SHISA6: variants seen among roughly 807,000 people sequenced by gnomAD.
SHISA6 encodes the protein shisa family member 6.
In SHISA6, 22 loss-of-function variants were observed where a neutral mutation model predicts 47.9. That is an observed-to-expected ratio of 0.46 (90% CI 0.33 to 0.66). The LOEUF is 0.66. Ranked by LOEUF, SHISA6 falls within the 30% of genes least tolerant of loss-of-function variation. The pLI is 0.02. For synonymous variants in SHISA6, 388 were observed against 337.8 expected, an observed-to-expected ratio of 1.15 and a Z score of -1.63; for missense variants, 680 against 764.6, an observed-to-expected ratio of 0.89 and a Z score of 1.30.
At chr17:11,398,356 A>C (rs181141046) in intron 3 of SHISA6, among the ~76,000 whole-genome samples, 65 of 152,108 alleles carry the variant, frequency 4.3e-4, no homozygotes, top group Non-Finnish European at 7.9e-4. Context: ...GTGTCCTCTG[A>C]TTTTTTTGGT....
intron 2 of SHISA6, among the ~76,000 whole-genome samples, chr17:11,358,206 GCTCCTGGTAACCA>G (rs1176795850): frequency 5.3e-5 from 8 of 151,998 alleles, no homozygotes; most frequent in African/African-American, 1.9e-4. Context: ...TCTCCCCACA[GCTCCTGGTAACCA>G]CTCTTCTGCT....
At chr17:11,361,402 G>A (rs191712515) in intron 2 of SHISA6, among the ~76,000 whole-genome samples, 89 of 152,172 alleles carry the variant, frequency 5.8e-4, no homozygotes, top group Non-Finnish European at 1.1e-3. Flanking sequence ...TTAGGGCATC[G>A]TGGAACCTAG....
intron 2 of SHISA6, among the ~76,000 whole-genome samples, chr17:11,312,484 A>G (rs1910373264): frequency 6.6e-6 from 1 of 152,220 alleles, no homozygotes; most frequent in Admixed American, 6.5e-5. Flanking sequence ...TTGAAAACGC[A>G]CTTCATCTAT....
intron 4 of SHISA6, among the ~76,000 whole-genome samples, chr17:11,555,502 G>A (rs771398300): frequency 5.3e-5 from 8 of 151,800 alleles, no homozygotes. Flanking sequence ...CTCAAGAGTC[G>A]AGTCTCCCAT....
chr17:11,301,168 C>T (rs770465780), intron 2 of SHISA6, among the ~76,000 whole-genome samples: 49 of 152,020 alleles, frequency 3.2e-4, no homozygotes, highest in Non-Finnish European at 6.3e-4. Context: ...GCAGCTGGAA[C>T]CCTCACTAGT....
At chr17:11,454,014 G>T (rs1915468323) in intron 3 of SHISA6, among the ~76,000 whole-genome samples, 1 of 152,220 alleles carries the variant, frequency 6.6e-6, no homozygotes, top group African/African-American at 2.4e-5. Flanking sequence ...GAGAGGGATT[G>T]CTGGGTCCTA....
intron 3 of SHISA6, among the ~76,000 whole-genome samples, chr17:11,388,830 ATATATATAT>A (rs1178420402): frequency 5.1e-4 from 49 of 96,012 alleles, no homozygotes; most frequent in African/African-American, 1.9e-3. Flanking sequence ...ATATATATAT[ATATATATAT>A]ATTTTAAAAA....
chr17:11,452,234 TC>T (rs1323657474), intron 3 of SHISA6, among the ~76,000 whole-genome samples: 4 of 152,254 alleles, frequency 2.6e-5, no homozygotes, highest in African/African-American at 9.6e-5. Context: ...TTGCATGTCC[TC>T]TCAGTATTTC....
intron 3 of SHISA6, among the ~76,000 whole-genome samples, chr17:11,478,524 G>A (rs1326825545): frequency 4.5e-4 from 33 of 72,928 alleles, no homozygotes; most frequent in East Asian, 1.8e-3. Flanking sequence ...GTAATGCCTA[G>A]GTTTTCTTCT....
intron 3 of SHISA6, among the ~76,000 whole-genome samples, chr17:11,528,876 A>G (rs2071709287): frequency 6.6e-6 from 1 of 152,162 alleles, no homozygotes; most frequent in African/African-American, 2.4e-5. Context: ...CTTGATTCCC[A>G]TAGCTGCTAC....
At chr17:11,379,836 T>C (rs940787078) in intron 3 of SHISA6, 3 of 272,960 alleles carry the variant, frequency 1.1e-5, no homozygotes, top group Non-Finnish European at 2.1e-5. Flanking sequence ...TTGCAATGTG[T>C]GTGTTCGCCT....
intron 2 of SHISA6, among the ~76,000 whole-genome samples, chr17:11,326,700 T>G (rs1439359783): frequency 6.6e-6 from 1 of 152,230 alleles, no homozygotes; most frequent in Non-Finnish European, 1.5e-5. Context: ...GCAAAGTTTT[T>G]GTATCCAGAC....
intron 3 of SHISA6, among the ~76,000 whole-genome samples, chr17:11,431,645 C>T (rs1203951962): frequency 2.0e-5 from 3 of 152,088 alleles, no homozygotes; most frequent in African/African-American, 4.8e-5. Flanking sequence ...TTCAGAAAAC[C>T]CCACTGTAGC....
At chr17:11,526,821 A>ATATTTGTATATGTATATG (rs2071685993) in intron 3 of SHISA6, among the ~76,000 whole-genome samples, 2 of 135,182 alleles carry the variant, frequency 1.5e-5, no homozygotes, top group Non-Finnish European at 3.2e-5. Context: ...TACATATACA[A>ATATTTGTATATGTATATG]TATTTGTATA....
At chr17:11,507,809 A>T (rs2071512040) in intron 3 of SHISA6, among the ~76,000 whole-genome samples, 1 of 152,134 alleles carries the variant, frequency 6.6e-6, no homozygotes, top group East Asian at 1.9e-4. Flanking sequence ...TTCATTTCTA[A>T]TCTTTAGCAC....
At chr17:11,389,903 A>G (rs77656742) in intron 3 of SHISA6, among the ~76,000 whole-genome samples, 5,557 of 152,132 alleles carry the variant, frequency 0.037, 186 homozygotes, top group Admixed American at 0.087. Flanking sequence ...GCTAAGTCAA[A>G]CCCCAGGAAG....
In SHISA6 at chr17:11,457,300, A is replaced by G. The variant is rs1915566870; in HGVS notation, c.895+77791A>G. Among the ~76,000 whole-genome samples, 3 of 152,264 alleles carry G rather than the reference A, an allele frequency of 2.0e-5. No individual in the cohort carries two copies. In the South Asian group the frequency reaches 6.2e-4, roughly 32 times the overall value. ...TGTTGATCCTAATCCATCAATCCTC[A>G]GTCTTCCCGAGGAAGCTTTTCTGAA... On this transcript the variant is annotated intron_variant, in intron 3 of 5. Coordinates refer to ENST00000441885, the MANE Select transcript of SHISA6 (RefSeq NM_207386.4).
chr17:11,537,899 G>C (rs1402494244), intron 3 of SHISA6, among the ~76,000 whole-genome samples: 3 of 152,230 alleles, frequency 2.0e-5, no homozygotes, highest in East Asian at 1.9e-4. Context: ...AACTTTGAAA[G>C]AGTGAATGAA....
intron 2 of SHISA6, among the ~76,000 whole-genome samples, chr17:11,314,361 T>C (rs1910434618): frequency 6.6e-6 from 1 of 152,086 alleles, no homozygotes; most frequent in Admixed American, 6.6e-5. Context: ...TTGCATGTTT[T>C]TTTCTTTCAA....
Sources: gnomAD v4.1 joint callset for allele counts (sites outside exome capture counted in the v4.1 genomes callset) on GRCh38, gnomAD v4.1.1 for gene constraint, MANE v1.5 for transcripts, NCBI Gene and HGNC (gene_info 2026-07-23, HGNC 2026-07-21) for gene names.